DIPK1A: variants seen among roughly 807,000 people sequenced by gnomAD.
DIPK1A encodes divergent protein kinase domain 1A.
A neutral mutation model predicts 40.8 loss-of-function variants in DIPK1A; 27 were observed. The observed-to-expected ratio is 0.66, with a 90% CI of 0.49 to 0.91. The LOEUF is 0.91. Ranked by LOEUF, DIPK1A falls within the 40% of genes least tolerant of loss-of-function variation. The pLI is 0.00. For synonymous variants in DIPK1A, 166 were observed against 171.3 expected (o/e 0.97, Z 0.24); for missense variants, 412 against 505.7 (o/e 0.81, Z 1.78).
chr1:92,881,828 G>C (rs1448939259), intron 1 of DIPK1A, among the ~76,000 whole-genome samples: 2 of 152,182 alleles, frequency 1.3e-5, no homozygotes, highest in Admixed American at 1.3e-4. Context: ...AAAATGTCAA[G>C]AGGTGGTGGG....
At chr1:92,833,456 G>A (rs1198185864) in intron 4 of DIPK1A, 1 of 1,613,928 alleles carries the variant, frequency 6.2e-7, no homozygotes, top group Non-Finnish European at 8.5e-7. Context: ...AGAAGACGAC[G>A]AGGTACTGTC....
At chr1:92,863,202 CTG>C (rs1480011571) in intron 2 of DIPK1A, among the ~76,000 whole-genome samples, 1 of 152,170 alleles carries the variant, frequency 6.6e-6, no homozygotes, top group Non-Finnish European at 1.5e-5. Context: ...CCTCTCATCT[CTG>C]TATCCCCAGG....
intron 2 of DIPK1A, among the ~76,000 whole-genome samples, chr1:92,871,520 C>G (rs1326083353): frequency 6.6e-6 from 1 of 152,150 alleles, no homozygotes; most frequent in Non-Finnish European, 1.5e-5. Flanking sequence ...ATGGTACACT[C>G]TTTCTATTGT....
At chr1:92,891,550 G>C (rs1648879576) in intron 1 of DIPK1A, among the ~76,000 whole-genome samples, 1 of 152,066 alleles carries the variant, frequency 6.6e-6, no homozygotes, top group Non-Finnish European at 1.5e-5. Context: ...GGCCGAATAG[G>C]AACAGCTCCA....
At chr1:92,940,482 C>A (rs1240256347) in intron 1 of DIPK1A, among the ~76,000 whole-genome samples, 1 of 152,168 alleles carries the variant, frequency 6.6e-6, no homozygotes, top group African/African-American at 2.4e-5. Context: ...TACAATTCTA[C>A]CCCTTAACAG....
chr1:92,870,794 A>G (rs1647805785), intron 2 of DIPK1A, among the ~76,000 whole-genome samples: 1 of 152,172 alleles, frequency 6.6e-6, no homozygotes, highest in South Asian at 2.1e-4. Flanking sequence ...TCTCCTTGGC[A>G]TGGATCGGGG....
rs1395791196 is a variant in DIPK1A at position 92,861,887 on chromosome 1, C to T, written c.190-10932G>A. Among the ~76,000 whole-genome samples, 3 of 152,074 alleles carry T rather than the reference C, an allele frequency of 2.0e-5. No homozygotes were observed. The East Asian group carries it at 5.8e-4, about 29-fold the overall frequency. On this transcript the variant is annotated intron_variant, in intron 2 of 4. Coordinates refer to ENST00000370310, the MANE Select transcript of DIPK1A (RefSeq NM_001006605.5). ...TCGACCTCCCTGGGCTCGGGTGATCCTCCCACCTCGGCCTCCCAAGTAGCT... is the reference window on the plus strand; with the variant it reads ...TCGACCTCCCTGGGCTCGGGTGATCTTCCCACCTCGGCCTCCCAAGTAGCT...
intron 1 of DIPK1A, among the ~76,000 whole-genome samples, chr1:92,947,669 A>G (rs1651427551): frequency 6.6e-6 from 1 of 152,258 alleles, no homozygotes; most frequent in Non-Finnish European, 1.5e-5. Context: ...ATGATTCACA[A>G]TAGCCAAGAT....
downstream of DIPK1A, chr1:92,837,338 G>T (rs777180796): frequency 1.1e-5 from 10 of 880,544 alleles, no homozygotes; most frequent in East Asian, 2.4e-4. Context: ...TGGTCCTTTG[G>T]TTGCATATGA....
At chr1:92,928,115 CTT>C (rs1424274632) in intron 1 of DIPK1A, among the ~76,000 whole-genome samples, 2 of 152,194 alleles carry the variant, frequency 1.3e-5, no homozygotes, top group Non-Finnish European at 2.9e-5. Flanking sequence ...CTTGTGAACA[CTT>C]GTTATTGTTC....
chr1:92,869,511 A>C (rs768615314), intron 2 of DIPK1A, among the ~76,000 whole-genome samples: 3 of 152,216 alleles, frequency 2.0e-5, no homozygotes, highest in Non-Finnish European at 2.9e-5. Flanking sequence ...GATTTTGCCA[A>C]CTTTTGAAGA....
At chr1:92,923,727 T>C (rs1320990690) in intron 1 of DIPK1A, among the ~76,000 whole-genome samples, 2 of 152,200 alleles carry the variant, frequency 1.3e-5, no homozygotes, top group African/African-American at 2.4e-5. Flanking sequence ...TATGTACTAG[T>C]GGAATCGTCT....
chr1:92,875,168 T>C (rs1474383450), intron 2 of DIPK1A, among the ~76,000 whole-genome samples: 7 of 152,174 alleles, frequency 4.6e-5, no homozygotes, highest in Admixed American at 3.9e-4. Flanking sequence ...TTCCGTCTTA[T>C]GTTCCCATAA....
At position 92,843,486 on chromosome 1, in the gene DIPK1A, G is replaced by A; in HGVS notation, c.1184C>T (p.Ala395Val). 6.4e-7 allele frequency: 1 copy of A among 1,551,530 alleles called. No homozygotes were observed. The highest frequency in any genetic ancestry group is 1.4e-5 in the African/African-American group (1 of 73,158). Residue 395 changes from alanine to valine, a missense_variant, in exon 5 of 5, where the codon GCT becomes GTT. Physicochemically the swap from Ala to Val is moderately conservative, Grantham distance 64 (BLOSUM62 0). Transcript: ENST00000370310. ...ELEKQLYSCI[A>V]LKVTANQMEM... ...CATTTGATTTGCTGTGACTTTGAGA[G>A]CAATACAAGAATAAAGCTGCTTTTC...
chr1:92,946,461 A>C (rs1043019421), intron 1 of DIPK1A, among the ~76,000 whole-genome samples: 1 of 152,244 alleles, frequency 6.6e-6, no homozygotes, highest in African/African-American at 2.4e-5. Flanking sequence ...GGGGAGAGTC[A>C]AGAAAGACTG....
At chr1:92,890,013 T>C (rs1015750097) in intron 1 of DIPK1A, among the ~76,000 whole-genome samples, 4 of 152,190 alleles carry the variant, frequency 2.6e-5, no homozygotes, top group East Asian at 3.8e-4. Context: ...GTTTTCCTTG[T>C]AGAGATCTTT....
intron 1 of DIPK1A, among the ~76,000 whole-genome samples, chr1:92,923,286 C>A (rs899032067): frequency 6.6e-6 from 1 of 151,996 alleles, no homozygotes; most frequent in African/African-American, 2.4e-5. Context: ...CTATAGGCGC[C>A]CACCACCACG....
intron 2 of DIPK1A, among the ~76,000 whole-genome samples, chr1:92,861,321 C>CTCTCTT (rs1553125720): frequency 1.2e-5 from 1 of 83,546 alleles, no homozygotes; most frequent in Non-Finnish European, 2.1e-5. Flanking sequence ...CTCTCTCTCT[C>CTCTCTT]TTTTTTTTTT....
chr1:92,878,757 C>A (rs1239304888), intron 1 of DIPK1A, among the ~76,000 whole-genome samples: 4 of 151,656 alleles, frequency 2.6e-5, no homozygotes, highest in African/African-American at 9.7e-5. Flanking sequence ...GGGGGCGGAG[C>A]CTGCAGTGAG....
Sources: gnomAD v4.1 joint callset for allele counts (sites outside exome capture counted in the v4.1 genomes callset) on GRCh38, gnomAD v4.1.1 for gene constraint, MANE v1.5 for transcripts, NCBI Gene and HGNC (gene_info 2026-07-23, HGNC 2026-07-21) for gene names.